The following CSMD1 variants were observed in gnomAD, a reference collection of about 807,000 sequenced individuals.
CSMD1 encodes the protein CUB and sushi domain-containing protein 1.
A neutral mutation model predicts 417.5 loss-of-function variants in CSMD1; 213 were observed. The observed-to-expected ratio is 0.51, with a 90% CI of 0.46 to 0.57. CSMD1 has a LOEUF of 0.57. Ranked by LOEUF, CSMD1 falls within the 20% of genes least tolerant of loss-of-function variation. The pLI, the probability that CSMD1 is intolerant of heterozygous loss-of-function variation, is 0.00. For synonymous variants in CSMD1, 2,862 were observed against 1,736.8 expected, an observed-to-expected ratio of 1.65 and a Z score of -16.11; for missense variants, 6,923 against 4,529.7, an observed-to-expected ratio of 1.53 and a Z score of -15.17.
chr8:3,695,346 G>A (rs1397483765), intron 7 of CSMD1, among the ~76,000 whole-genome samples: 1 of 150,636 alleles, frequency 6.6e-6, no homozygotes, highest in Non-Finnish European at 1.5e-5. Context: ...TGTAAGAAAT[G>A]ACAAATAACC....
At chr8:3,472,071 G>A (rs761773558) in intron 11 of CSMD1, among the ~76,000 whole-genome samples, 3 of 151,766 alleles carry the variant, frequency 2.0e-5, no homozygotes, top group Non-Finnish European at 2.9e-5. Flanking sequence ...GTCCATCATC[G>A]TCCTCTCCCT....
chr8:4,070,226 G>C (rs1389044364), intron 3 of CSMD1, among the ~76,000 whole-genome samples: 2 of 151,012 alleles, frequency 1.3e-5, no homozygotes, highest in East Asian at 3.9e-4. Flanking sequence ...TTTTCTTTTT[G>C]GTATGCTTAT....
intron 1 of CSMD1, among the ~76,000 whole-genome samples, chr8:4,798,061 G>A (rs756896542): frequency 5.8e-4 from 89 of 152,232 alleles, no homozygotes; most frequent in African/African-American, 2.0e-3. Flanking sequence ...TGCGCACAAC[G>A]TGCAGGTTTC....
intron 3 of CSMD1, among the ~76,000 whole-genome samples, chr8:4,320,801 G>A (rs1231481047): frequency 6.6e-6 from 1 of 152,100 alleles, no homozygotes; most frequent in Non-Finnish European, 1.5e-5. Context: ...TCTAGAACTA[G>A]ACCTACCATT....
At chr8:3,652,549 A>G (rs1035195651) in intron 7 of CSMD1, among the ~76,000 whole-genome samples, 2 of 152,204 alleles carry the variant, frequency 1.3e-5, no homozygotes, top group Non-Finnish European at 2.9e-5. Context: ...AGGCCTCACA[A>G]TCTTGGCAGA....
chr8:3,184,084 C>A (rs941408028), intron 36 of CSMD1, among the ~76,000 whole-genome samples: 4 of 152,162 alleles, frequency 2.6e-5, no homozygotes, highest in African/African-American at 9.7e-5. Context: ...AAAGACCCTG[C>A]ATGATCTGAC....
Position 4,337,434 on chromosome 8 carries a change from G to A in CSMD1, c.415+82519C>T, listed in dbSNP as rs368179936. Among the ~76,000 whole-genome samples, 32 of 152,148 alleles carry A rather than the reference G, an allele frequency of 2.1e-4. No individual in the cohort carries two copies. In the East Asian group the frequency reaches 5.4e-3, roughly 26 times the overall value. On this transcript the variant is annotated intron_variant, in intron 3 of 69. Transcript: ENST00000635120. The stretch of plus-strand genomic sequence containing the variant: ...CTGCTTTTCTATCTTAGCCTTCTCT[G>A]TTAAATCTAAATGTCTTTGCAAACC...
intron 3 of CSMD1, among the ~76,000 whole-genome samples, chr8:4,321,575 G>C (rs565603385): frequency 6.6e-6 from 1 of 151,896 alleles, no homozygotes; most frequent in South Asian, 2.1e-4. Context: ...AATAAATGGT[G>C]TGAGTATCTG....
At chr8:3,994,531 C>G (rs943317822) in intron 5 of CSMD1, among the ~76,000 whole-genome samples, 1 of 150,426 alleles carries the variant, frequency 6.6e-6, no homozygotes, top group Non-Finnish European at 1.5e-5. Flanking sequence ...AATGACTAGA[C>G]CATGCTATAA....
chr8:4,076,270 AAT>A (rs1304916825), intron 3 of CSMD1, among the ~76,000 whole-genome samples: 1 of 152,144 alleles, frequency 6.6e-6, no homozygotes, highest in Non-Finnish European at 1.5e-5. Flanking sequence ...TGTGAAGAAG[AAT>A]ATGTTTGCTT....
intron 2 of CSMD1, among the ~76,000 whole-genome samples, chr8:4,456,523 G>A (rs1481104483): frequency 1.3e-5 from 2 of 152,162 alleles, no homozygotes; most frequent in Admixed American, 6.5e-5. Context: ...TGTTTATAGT[G>A]TTGGCACTTC....
intron 1 of CSMD1, among the ~76,000 whole-genome samples, chr8:4,769,236 A>G (rs1250761855): frequency 6.6e-6 from 1 of 152,222 alleles, no homozygotes; most frequent in Non-Finnish European, 1.5e-5. Context: ...AGAGATGCAT[A>G]TAAAACACTG....
chr8:4,175,146 C>T (rs1410771890), intron 3 of CSMD1, among the ~76,000 whole-genome samples: 1 of 151,968 alleles, frequency 6.6e-6, no homozygotes, highest in African/African-American at 2.4e-5. Flanking sequence ...AGACCTCGAC[C>T]ATCAAGAAAG....
intron 2 of CSMD1, among the ~76,000 whole-genome samples, chr8:4,583,045 C>T (rs376126371): frequency 1.5e-4 from 23 of 152,340 alleles, no homozygotes; most frequent in African/African-American, 4.6e-4. Flanking sequence ...ACTTCTCACC[C>T]GGCGTTAGCT....
At chr8:4,206,970 G>C (rs1474004838) in intron 3 of CSMD1, among the ~76,000 whole-genome samples, 2 of 152,002 alleles carry the variant, frequency 1.3e-5, no homozygotes, top group Non-Finnish European at 2.9e-5. Flanking sequence ...ATATAGATGT[G>C]GATAAAATTA....
At position 3,317,551 on chromosome 8, in the gene CSMD1, T is replaced by A. The variant is rs190832911; in HGVS notation, c.3632-9048A>T. Among the ~76,000 whole-genome samples, 27 of 152,284 alleles carry A rather than the reference T, an allele frequency of 1.8e-4. 1 individual carries two copies. The East Asian group carries it at 2.9e-3, about 16-fold the overall frequency. On this transcript the variant is annotated intron_variant, in intron 23 of 69. Coordinates refer to ENST00000635120, the MANE Select transcript of CSMD1 (RefSeq NM_033225.6). Reference sequence around the variant, plus strand: ...ACTTCTTTGTATAGCAAGGGGTGAATAGTTAAAAAATAAAAAGCCCAGAAT... The same window carrying A: ...ACTTCTTTGTATAGCAAGGGGTGAAAAGTTAAAAAATAAAAAGCCCAGAAT...
intron 3 of CSMD1, among the ~76,000 whole-genome samples, chr8:4,135,769 A>G (rs1241478463): frequency 6.6e-6 from 1 of 152,178 alleles, no homozygotes; most frequent in African/African-American, 2.4e-5. Flanking sequence ...TAGAAAGAGA[A>G]ACTGATTAAT....
At chr8:3,890,037 A>T (rs925993208) in intron 5 of CSMD1, among the ~76,000 whole-genome samples, 3 of 152,092 alleles carry the variant, frequency 2.0e-5, no homozygotes, top group African/African-American at 4.8e-5. Context: ...ACATTTTTTT[A>T]AAAAAGTTTC....
intron 1 of CSMD1, among the ~76,000 whole-genome samples, chr8:4,835,839 C>A (rs1358048279): frequency 6.6e-6 from 1 of 151,764 alleles, no homozygotes; most frequent in African/African-American, 2.4e-5. Flanking sequence ...ACTTGTACAT[C>A]AAGCCAACTA....
Sources: gnomAD v4.1 joint callset for allele counts (sites outside exome capture counted in the v4.1 genomes callset) on GRCh38, gnomAD v4.1.1 for gene constraint, MANE v1.5 for transcripts, NCBI Gene and HGNC (gene_info 2026-07-23, HGNC 2026-07-21) for gene names.